NKAIN2: variants seen among roughly 807,000 people sequenced by gnomAD.
NKAIN2 encodes sodium/potassium transporting ATPase interacting 2.
A neutral mutation model predicts 32.6 loss-of-function variants in NKAIN2; 14 were observed. The ratio of observed to expected loss-of-function variants is 0.43; its 90% CI spans 0.28 to 0.67. The LOEUF is 0.67. Among genes scored for constraint, NKAIN2 ranks in the 30% least tolerant of loss-of-function variants. The pLI is 0.17. For missense variants in NKAIN2, 198 were observed against 258.3 expected (o/e 0.77, Z 1.60); for synonymous variants, 80 against 87.2 (o/e 0.92, Z 0.46).
chr6:124,711,852 T>C (rs1245954075), intron 4 of NKAIN2, among the ~76,000 whole-genome samples: 2 of 152,202 alleles, frequency 1.3e-5, no homozygotes, highest in Non-Finnish European at 2.9e-5. Flanking sequence ...CTTTGTTCCA[T>C]TGCTGGTGAG....
At chr6:124,567,091 TCA>T (rs777210838) in intron 3 of NKAIN2, among the ~76,000 whole-genome samples, 10 of 152,210 alleles carry the variant, frequency 6.6e-5, no homozygotes, top group Non-Finnish European at 1.3e-4. Flanking sequence ...TTCTTGGGGC[TCA>T]GATTCCATTC....
chr6:124,376,233 G>T lies in NKAIN2; in HGVS notation c.273+20886G>T, dbSNP rs147555733. 3.9e-3 allele frequency among the ~76,000 whole-genome samples: 592 copies of T among 152,200 alleles called. 7 individuals are homozygous for T. The highest frequency in any genetic ancestry group is 0.014 in the African/African-American group (570 of 41,544). On this transcript the variant is annotated intron_variant, in intron 3 of 6. Coordinates refer to ENST00000368417, the MANE Select transcript of NKAIN2 (RefSeq NM_001040214.3). Reference sequence around the variant, plus strand: ...TTTCAGCCACACATACATATGCAAAGACATAGAAAATGATTTCTTTTCATC... The same window carrying T: ...TTTCAGCCACACATACATATGCAAATACATAGAAAATGATTTCTTTTCATC...
chr6:124,274,241 C>T (rs1441316087), intron 1 of NKAIN2, among the ~76,000 whole-genome samples: 1 of 152,040 alleles, frequency 6.6e-6, no homozygotes, highest in Non-Finnish European at 1.5e-5. Flanking sequence ...TTACTGTGAA[C>T]TAGTCTGTAC....
intron 3 of NKAIN2, among the ~76,000 whole-genome samples, chr6:124,612,288 C>G (rs2114999637): frequency 6.6e-6 from 1 of 151,858 alleles, no homozygotes; most frequent in East Asian, 1.9e-4. Context: ...AAAGCAAAAA[C>G]AGTTGCTTTG....
At position 124,672,529 on chromosome 6, in the gene NKAIN2, C is replaced by A. The variant is rs146428028; in HGVS notation, c.474+14143C>A. On this transcript the variant is annotated intron_variant, in intron 4 of 6. Coordinates refer to ENST00000368417, the MANE Select transcript of NKAIN2 (RefSeq NM_001040214.3). ...AGAAGTAAGAGAAATATCTTTCATT[C>A]CAAAGAACAAAAGAGGACCATTAGT... Among the ~76,000 whole-genome samples the A allele has an allele frequency of 6.8e-3, 1,039 of 151,988 alleles. 6 individuals carry two copies. The highest frequency in any genetic ancestry group is 0.01 in the Non-Finnish European group (697 of 67,922).
At chr6:124,690,948 A>G (rs547865833) in intron 4 of NKAIN2, among the ~76,000 whole-genome samples, 24 of 152,258 alleles carry the variant, frequency 1.6e-4, no homozygotes, top group African/African-American at 5.3e-4. Flanking sequence ...ATTCTCTCCA[A>G]TCTACCCTCC....
intron 4 of NKAIN2, among the ~76,000 whole-genome samples, chr6:124,739,854 A>G (rs1470522104): frequency 6.6e-6 from 1 of 151,854 alleles, no homozygotes; most frequent in Non-Finnish European, 1.5e-5. Flanking sequence ...AAGAAACTTA[A>G]TGATATCTGA....
chr6:124,092,056 T>C (rs1784449523), intron 1 of NKAIN2, among the ~76,000 whole-genome samples: 2 of 152,098 alleles, frequency 1.3e-5, no homozygotes, highest in Admixed American at 6.6e-5. Flanking sequence ...CATAGTTTAA[T>C]GTTCTCCATG....
intron 3 of NKAIN2, among the ~76,000 whole-genome samples, chr6:124,601,761 A>G (rs1782315446): frequency 6.6e-6 from 1 of 152,036 alleles, no homozygotes; most frequent in Admixed American, 6.6e-5. Context: ...TGTAGGAAAA[A>G]TGAAGAAATT....
chr6:124,282,501 G>A lies in NKAIN2; in HGVS notation c.55-504G>A, dbSNP rs73565662. ...GAAATGACTTGCGTAGGCCACTGCGGCTACTTAGTGGCAGACTCACGTTCA... is the reference window on the plus strand; with the variant it reads ...GAAATGACTTGCGTAGGCCACTGCGACTACTTAGTGGCAGACTCACGTTCA... On this transcript the variant is annotated intron_variant, in intron 1 of 6. Coordinates refer to ENST00000368417, the MANE Select transcript of NKAIN2 (RefSeq NM_001040214.3). 6.1e-3 allele frequency among the ~76,000 whole-genome samples: 927 copies of A among 152,306 alleles called. 10 individuals carry two copies. Among genetic ancestry groups the A allele is most frequent in the African/African-American group, 0.021 (874 of 41,570 alleles).
intron 1 of NKAIN2, among the ~76,000 whole-genome samples, chr6:123,842,596 C>T (rs547424050): frequency 1.3e-5 from 2 of 152,030 alleles, no homozygotes; most frequent in Admixed American, 1.3e-4. Flanking sequence ...TATTCTATTG[C>T]ACTTCTTAAG....
At chr6:124,030,019 A>G (rs1340226132) in intron 1 of NKAIN2, among the ~76,000 whole-genome samples, 1 of 151,982 alleles carries the variant, frequency 6.6e-6, no homozygotes, top group Non-Finnish European at 1.5e-5. Flanking sequence ...CCTGGCCAAC[A>G]TGGTGAAACC....
intron 2 of NKAIN2, among the ~76,000 whole-genome samples, chr6:124,345,173 G>C: frequency 6.6e-6 from 1 of 152,060 alleles, no homozygotes; most frequent in Non-Finnish European, 1.5e-5. Flanking sequence ...TTGCATCCCA[G>C]GGATGAAGTC....
intron 3 of NKAIN2, among the ~76,000 whole-genome samples, chr6:124,611,863 G>T (rs1357173206): frequency 6.6e-6 from 1 of 152,100 alleles, no homozygotes; most frequent in Non-Finnish European, 1.5e-5. Flanking sequence ...CTGCCACTAG[G>T]ACTCAAGCTG....
chr6:124,032,662 C>T (rs1333844268), intron 1 of NKAIN2, among the ~76,000 whole-genome samples: 1 of 151,686 alleles, frequency 6.6e-6, no homozygotes, highest in Non-Finnish European at 1.5e-5. Flanking sequence ...GACTACAAAG[C>T]AATATGAAAA....
chr6:124,316,704 AAG>A (rs1200444568), intron 2 of NKAIN2, among the ~76,000 whole-genome samples: 7 of 152,294 alleles, frequency 4.6e-5, no homozygotes, highest in African/African-American at 1.4e-4. Context: ...GATATCCTGG[AAG>A]AGTTTCTAAA....
chr6:123,879,738 G>T (rs1349498562), intron 1 of NKAIN2, among the ~76,000 whole-genome samples: 1 of 152,216 alleles, frequency 6.6e-6, no homozygotes, highest in African/African-American at 2.4e-5. Flanking sequence ...GAGCTGGACA[G>T]ACATGGCTGT....
intron 1 of NKAIN2, among the ~76,000 whole-genome samples, chr6:123,887,988 C>T (rs1462921299): frequency 1.3e-5 from 2 of 152,010 alleles, no homozygotes; most frequent in African/African-American, 4.8e-5. Flanking sequence ...GAGAATACTA[C>T]TCGTATTGGT....
intron 1 of NKAIN2, among the ~76,000 whole-genome samples, chr6:124,131,928 G>T (rs1786500448): frequency 6.6e-6 from 1 of 152,332 alleles, no homozygotes; most frequent in East Asian, 1.9e-4. Context: ...GAGCAAAGGA[G>T]CCACTGCCAT....
Sources: allele counts gnomAD v4.1 joint callset (sites outside exome capture counted in the v4.1 genomes callset), GRCh38; gene constraint gnomAD v4.1.1; transcripts MANE v1.5; gene names NCBI Gene and HGNC (gene_info 2026-07-23, HGNC 2026-07-21).